Variants in ZNF782 observed in about 807,000 individuals in gnomAD.
The protein encoded by ZNF782 is zinc finger protein 782.
In ZNF782, 12 loss-of-function variants were observed where a neutral mutation model predicts 13.0. The ratio of observed to expected loss-of-function variants is 0.92; its 90% CI spans 0.59 to 1.50. The LOEUF (loss-of-function observed/expected upper bound fraction) is 1.50. ZNF782 is among the 40% of genes most tolerant of loss of function. ZNF782 has a pLI of 0.00. For missense variants in ZNF782, 770 were observed against 822.9 expected (o/e 0.94, Z 0.79); for synonymous variants, 284 against 283.0 (o/e 1.00, Z -0.04).
intron 4 of ZNF782, among the ~76,000 whole-genome samples, chr9:96,843,258 T>C (rs148574573): frequency 1.7e-4 from 26 of 152,300 alleles, no homozygotes; most frequent in Non-Finnish European, 3.1e-4. Context: ...ATCAACTTTA[T>C]AATAGCCCCA....
At chr9:96,882,220 A>G in the ZNF782 span, among the ~76,000 whole-genome samples, 1 of 152,038 alleles carries the variant, frequency 6.6e-6, no homozygotes, top group East Asian at 1.9e-4. Context: ...GTTATGAGAA[A>G]AGTTACTAGA....
the ZNF782 span, among the ~76,000 whole-genome samples, chr9:96,910,869 C>T: frequency 6.6e-6 from 1 of 150,400 alleles, no homozygotes; most frequent in South Asian, 2.1e-4. Flanking sequence ...ATCTCCTGAC[C>T]TCGTGATCCA....
intron 3 of ZNF782, among the ~76,000 whole-genome samples, chr9:96,851,145 A>C (rs113531813): frequency 5.8e-4 from 89 of 152,264 alleles, no homozygotes; most frequent in Middle Eastern, 3.4e-3. Flanking sequence ...ACAAAGAAAA[A>C]TCTTGTTTGA....
the ZNF782 span, among the ~76,000 whole-genome samples, chr9:96,913,413 T>A: frequency 6.6e-6 from 1 of 151,978 alleles, no homozygotes; most frequent in African/African-American, 2.4e-5. Context: ...GGCCCAAATA[T>A]CCTATATCCA....
the ZNF782 span, among the ~76,000 whole-genome samples, chr9:96,925,461 A>G: frequency 1.3e-5 from 2 of 152,068 alleles, no homozygotes; most frequent in African/African-American, 2.4e-5. Flanking sequence ...AATATGGTGC[A>G]ATCCCGTCTC....
At chr9:96,865,280 A>C (rs763306538) in intron 1 of ZNF782, among the ~76,000 whole-genome samples, 1 of 149,442 alleles carries the variant, frequency 6.7e-6, no homozygotes, top group African/African-American at 2.4e-5. Context: ...GAATTCCCAC[A>C]TGTTATGGGA....
chr9:96,875,330 A>ACTG, intron 1 of ZNF782: 2 of 371,098 alleles, frequency 5.4e-6, no homozygotes, highest in Non-Finnish European at 1.1e-5. Flanking sequence ...GGGTTTAGTA[A>ACTG]CTGCACTTGG....
At chr9:96,906,297 C>T in the ZNF782 span, among the ~76,000 whole-genome samples, 1 of 148,188 alleles carries the variant, frequency 6.7e-6, no homozygotes, top group Non-Finnish European at 1.5e-5. Context: ...AAGTAACCAC[C>T]TCTGCAGCAT....
chr9:96,922,738 C>T, the ZNF782 span, among the ~76,000 whole-genome samples: 1 of 151,572 alleles, frequency 6.6e-6, no homozygotes, highest in South Asian at 2.1e-4. Context: ...CACGCCACTG[C>T]ACTCCAGCCT....
the ZNF782 span, chr9:96,890,920 C>G: frequency 6.6e-6 from 1 of 152,192 alleles, no homozygotes; most frequent in African/African-American, 2.4e-5. Context: ...CCAAATGTGG[C>G]ATATGCACAC....
the ZNF782 span, chr9:96,891,578 G>C: frequency 1.2e-5 from 1 of 83,492 alleles, no homozygotes; most frequent in African/African-American, 5.0e-5. Flanking sequence ...TTTTTTTTTT[G>C]AGATGGAGTC....
At chr9:96,855,455 A>T (rs1851629003), upstream of ZNF782, among the ~76,000 whole-genome samples, 1 of 152,162 alleles carries the variant, frequency 6.6e-6, no homozygotes, top group South Asian at 2.1e-4. Flanking sequence ...TGTTATTCTT[A>T]TGCCTTTGCA....
the ZNF782 span, chr9:96,894,202 AAG>A: frequency 6.6e-6 from 1 of 152,000 alleles, no homozygotes; most frequent in Admixed American, 6.5e-5. Context: ...GTGGGATGGG[AAG>A]AGGGGGGAAG....
chr9:96,930,934 A>C, the ZNF782 span, among the ~76,000 whole-genome samples: 8 of 105,714 alleles, frequency 7.6e-5, no homozygotes, highest in African/African-American at 1.9e-4. Flanking sequence ...TCGCTCTGTC[A>C]CCCGGGCTGG....
the ZNF782 span, chr9:96,932,560 C>T: frequency 7.6e-7 from 1 of 1,314,100 alleles, no homozygotes; most frequent in East Asian, 2.4e-5. Flanking sequence ...GGTACATTTT[C>T]AGCAACATTA....
chr9:96,829,840 A>G (rs928021370), intron 4 of ZNF782, among the ~76,000 whole-genome samples: 1 of 152,202 alleles, frequency 6.6e-6, no homozygotes, highest in Admixed American at 6.5e-5. Flanking sequence ...ATATTCTAGT[A>G]GAAATATGGA....
At chr9:96,892,902 T>C in the ZNF782 span, 11 of 152,142 alleles carry the variant, frequency 7.2e-5, no homozygotes, top group Non-Finnish European at 1.5e-4. Context: ...TTTTTTTTTT[T>C]TAACCTGAAA....
At chr9:96,848,389 T>TACCTTTCTA (rs1270643416) in intron 3 of ZNF782, among the ~76,000 whole-genome samples, 8 of 152,198 alleles carry the variant, frequency 5.3e-5, no homozygotes. Context: ...TGTTTGTAGA[T>TACCTTTCTA]GATATGATCA....
At chr9:96,930,873 T>G in the ZNF782 span, among the ~76,000 whole-genome samples, 1 of 12,430 alleles carries the variant, frequency 8.0e-5, no homozygotes, top group Non-Finnish European at 2.0e-4. Flanking sequence ...CATCCAGTGG[T>G]TTTTTTTTTT....
Sources: gnomAD v4.1 joint callset for allele counts (sites outside exome capture counted in the v4.1 genomes callset) on GRCh38, gnomAD v4.1.1 for gene constraint, MANE v1.5 for transcripts, NCBI Gene and HGNC (gene_info 2026-07-23, HGNC 2026-07-21) for gene names.